GIT1: variants seen among roughly 807,000 people sequenced by gnomAD.
GIT1 encodes ARF GTPase-activating protein GIT1.
A neutral mutation model predicts 91.7 loss-of-function variants in GIT1; 14 were observed. That is an observed-to-expected ratio of 0.15 (90% CI 0.10 to 0.24). The LOEUF is 0.24. Among genes scored for constraint, GIT1 ranks in the 10% least tolerant of loss-of-function variants. The pLI, the probability that GIT1 is intolerant of heterozygous loss-of-function variation, is 1.00. For synonymous variants in GIT1, 414 were observed against 418.2 expected, an observed-to-expected ratio of 0.99 and a Z score of 0.12; for missense variants, 717 against 1,024.9, an observed-to-expected ratio of 0.70 and a Z score of 4.10.
At chr17:29,587,897 G>A (rs994259465) in intron 1 of GIT1, among the ~76,000 whole-genome samples, 3 of 152,100 alleles carry the variant, frequency 2.0e-5, no homozygotes, top group African/African-American at 4.8e-5. Context: ...ATAAGGCAAG[G>A]TGCATCCTCA....
At position 29,581,351 on chromosome 17, in the gene GIT1, G is replaced by T; in HGVS notation, c.748C>A (p.Gln250Lys). Residue 250 changes from glutamine to lysine, a missense_variant, in exon 7 of 20, where the codon CAG becomes AAG. By Grantham distance (53) the Gln-to-Lys change is moderately conservative (BLOSUM62 1). Coordinates refer to ENST00000225394, the MANE Select transcript of GIT1 (RefSeq NM_014030.4). The surrounding 1 kb of genome is among the most constrained non-coding windows in gnomAD (Gnocchi z 4.8). The stretch of plus-strand genomic sequence containing the variant: ...GTGGGCACTCACCTGTCAGCCATCT[G>T]TGGGATGATGTAATGCCCATTCTTG... ...DHKNGHYIIP[Q>K]MADSLDLSEL... The T allele has an allele frequency of 6.2e-7, 1 of 1,612,530 alleles. No individual in the cohort carries two copies. The highest frequency in any genetic ancestry group is 8.5e-7 in the Non-Finnish European group (1 of 1,178,826).
Position 29,581,832 on chromosome 17 carries a change from C to T in GIT1, c.628G>A (p.Ala210Thr). The T allele has an allele frequency of 6.2e-7, 1 of 1,612,730 alleles. No homozygotes were observed. The highest frequency in any genetic ancestry group is 8.5e-7 in the Non-Finnish European group (1 of 1,179,888). Reference sequence around the variant, plus strand: ...CTTTCCGCCAGCTCATGGTGCCCCGCCTGCCTGTGAGGAGGGGGTATGGCT... The same window carrying T: ...CTTTCCGCCAGCTCATGGTGCCCCGTCTGCCTGTGAGGAGGGGGTATGGCT... ...GRTPIDYARQ[A>T]GHHELAERLV... The change falls in exon 6 of 20, where the codon GCG (alanine) becomes ACG (threonine). Residue 210 changes from alanine (A) to threonine (T), a missense_variant. Physicochemically the swap from Ala to Thr is moderately conservative, Grantham distance 58 (BLOSUM62 0). This residue lies in a region of GIT1 where 271 missense variants were observed against 451.6 expected (regional missense o/e 0.60). Coordinates refer to ENST00000225394, the MANE Select transcript of GIT1 (RefSeq NM_014030.4). The surrounding 1 kb of genome is among the most constrained non-coding windows in gnomAD (Gnocchi z 4.8).
chr17:29,585,551 T>G (rs2033566541), intron 1 of GIT1, among the ~76,000 whole-genome samples: 1 of 152,110 alleles, frequency 6.6e-6, no homozygotes, highest in African/African-American at 2.4e-5. Context: ...GCCTGGCACT[T>G]TCCCCCAGCC....
rs955514571 is a variant in GIT1, at chr17:29,576,733, G to C, written c.1228-59C>G. 4.9e-5 allele frequency: 79 copies of C among 1,604,790 alleles called. No individual in the cohort carries two copies. The African/African-American group carries it at 9.2e-4, about 19-fold the overall frequency. On this transcript the variant is annotated intron_variant, in intron 12 of 19. Coordinates refer to ENST00000225394, the MANE Select transcript of GIT1 (RefSeq NM_014030.4). ...GGGGCAGGGAGGCCAACACCCGCAGGGGGCAGTTATTGAGGCTAGGAGCAG... is the reference window on the plus strand; with the variant it reads ...GGGGCAGGGAGGCCAACACCCGCAGCGGGCAGTTATTGAGGCTAGGAGCAG...
intron 1 of GIT1, among the ~76,000 whole-genome samples, chr17:29,586,711 A>G (rs965376920): frequency 2.0e-5 from 3 of 152,226 alleles, no homozygotes; most frequent in Admixed American, 1.3e-4. Context: ...AGGGTTGCCA[A>G]AGTGGAAAAG....
chr17:29,575,102 C>G lies in GIT1; in HGVS notation c.2050G>C (p.Glu684Gln), dbSNP rs1450513540. 1.3e-6 allele frequency: 2 copies of G among 1,599,828 alleles called. No individual in the cohort carries two copies. The highest frequency in any genetic ancestry group is 2.2e-5 in the South Asian group (2 of 90,392). ...ACCTTTGGGAAGAGGGAGGCCATCT[C>G]GGTCACAGCCAAATGGATCTTCTCT... Reference protein sequence around the residue: ...CSEKIHLAVTEMASLFPKRPA... With the variant: ...CSEKIHLAVTQMASLFPKRPA... Residue 684 changes from glutamate (E) to glutamine (Q), a missense_variant, in exon 19 of 20, where the codon GAG (glutamate) becomes CAG (glutamine). Physicochemically the swap from Glu to Gln is conservative, Grantham distance 29 (BLOSUM62 2). This residue lies in a region of GIT1 where 134 missense variants were observed against 223.8 expected (regional missense o/e 0.60). Transcript: ENST00000225394. The surrounding 1 kb of genome is among the most constrained non-coding windows in gnomAD (Gnocchi z 5.5).
intron 7 of GIT1, among the ~76,000 whole-genome samples, chr17:29,580,278 G>A (rs181609265): frequency 1.3e-5 from 2 of 152,246 alleles, no homozygotes; most frequent in Non-Finnish European, 2.9e-5. Context: ...CCATACACAT[G>A]CACGCATGCA....
At position 29,577,205 on chromosome 17, in the gene GIT1, T is replaced by G; in HGVS notation, c.1024A>C (p.Thr342Pro). 6.2e-7 allele frequency: 1 copy of G among 1,613,922 alleles called. No individual in the cohort carries two copies. Among genetic ancestry groups the G allele is most frequent in the East Asian group, 2.2e-5 (1 of 44,876 alleles). The part of the protein sequence containing the change: ...LARFNAREFA[T>P]LIIDILSEAK... ...TCACTGAGAATGTCGATGATCAAGG[T>G]GGCAAACTCTCGGGCATTAAAGCGG... Residue 342 changes from threonine to proline, a missense_variant, in exon 11 of 20, where the codon ACC (threonine) becomes CCC (proline). Around this residue, in one of 3 missense-constraint regions of GIT1, gnomAD observed 312 missense variants for 349.5 expected, o/e 0.89. Coordinates refer to ENST00000225394, the MANE Select transcript of GIT1 (RefSeq NM_014030.4).
rs538972029 is a variant in GIT1, at chr17:29,581,731, G to A, written c.718+11C>T. Reference sequence around the variant, plus strand: ...CCTGTCACAGCCAGGCGCCCCCCAAGCTCTGCTCACCCGGCTTGCGTCCAC... The same window carrying A: ...CCTGTCACAGCCAGGCGCCCCCCAAACTCTGCTCACCCGGCTTGCGTCCAC... On this transcript the variant is annotated intron_variant, in intron 6 of 19. Coordinates refer to ENST00000225394, the MANE Select transcript of GIT1 (RefSeq NM_014030.4). The surrounding 1 kb of genome is among the most constrained non-coding windows in gnomAD (Gnocchi z 4.8). The A allele has an allele frequency of 1.2e-6, 2 of 1,604,776 alleles. No individual in the cohort carries two copies. The highest frequency in any genetic ancestry group is 3.3e-5 in the Admixed American group (2 of 60,018).
At chr17:29,578,518 G>C in intron 8 of GIT1, 147 bp from the exon 9 acceptor site, 1 of 873,232 alleles carries the variant, frequency 1.1e-6, no homozygotes, top group Non-Finnish European at 1.9e-6. Flanking sequence ...AAAGTGGAAA[G>C]GGATCATGTT....
Position 29,576,938 on chromosome 17 carries a change from G to T in GIT1, c.1152C>A (p.Asp384Glu). The T allele has an allele frequency of 6.3e-7, 1 of 1,594,680 alleles. No homozygotes were observed. The highest frequency in any genetic ancestry group is 8.5e-7 in the Non-Finnish European group (1 of 1,174,216). Residue 384 changes from aspartate (D) to glutamate (E), a missense_variant, in exon 12 of 20, where the codon GAC becomes GAA. Physicochemically the swap from Asp to Glu is conservative, Grantham distance 45. This residue lies in a region of GIT1 where 312 missense variants were observed against 349.5 expected (regional missense o/e 0.89). Transcript: ENST00000225394. Reference protein sequence around the residue: ...QSDLDDQHDYDSVASDEDTDQ... With the variant: ...QSDLDDQHDYESVASDEDTDQ... ...CTGTGTCCTCGTCAGAGGCCACGCT[G>T]TCGTAGTCGTGTTGGTCGTCGAGGT... is the stretch of plus-strand genomic sequence containing the variant.
Position 29,581,190 on chromosome 17 carries a change from T to G in GIT1, c.761+148A>C. On this transcript the variant is annotated intron_variant, in intron 7 of 19. Coordinates refer to ENST00000225394, the MANE Select transcript of GIT1 (RefSeq NM_014030.4). This position sits in a 1 kb window ranked among gnomAD's most constrained non-coding sequence, Gnocchi z 4.8. ...TTTTACCTGCCTTGGGGCCCAGCAT[T>G]AGGGACTGAGGACTAAGCTGTGCCT... The G allele has an allele frequency of 1.5e-6, 1 of 679,828 alleles. No individual in the cohort carries two copies. Among genetic ancestry groups the G allele is most frequent in the South Asian group, 1.6e-5 (1 of 63,724 alleles). The allele number at this position is 679,828 out of a possible 1,614,324, so 42.1% of individuals were successfully genotyped here.
At position 29,576,319 on chromosome 17, in the gene GIT1, G is replaced by C; in HGVS notation, c.1512C>G (p.Arg504=). The C allele has an allele frequency of 4.3e-6, 7 of 1,613,100 alleles. No homozygotes were observed. In the East Asian group the frequency reaches 1.6e-4, roughly 36 times the overall value. ...APGGSTHRRD[R]QAFSMYEPGS... is the part of the protein sequence containing the mutation. ...CAGGTTCATACATGGAAAAGGCCTG[G>C]CGATCCCTGCGGTGTGTGCTCCCGC... The change falls in exon 14 of 20, where the codon CGC becomes CGG. Residue 504 remains arginine, a synonymous_variant. Transcript: ENST00000225394.
intron 12 of GIT1, 33 bp downstream of exon 12, chr17:29,576,830 A>G (rs2033222895): frequency 6.3e-7 from 1 of 1,578,552 alleles, no homozygotes; most frequent in Admixed American, 1.9e-5. Context: ...GGGTCAGGGC[A>G]CAGGGGAGTG....
chr17:29,585,488 C>A (rs1277652851), intron 1 of GIT1, among the ~76,000 whole-genome samples: 3 of 152,164 alleles, frequency 2.0e-5, no homozygotes, highest in Non-Finnish European at 2.9e-5. Flanking sequence ...GGTGAGTGAC[C>A]CTGGCTATGG....
chr17:29,587,763 A>G (rs2033636548), intron 1 of GIT1, among the ~76,000 whole-genome samples: 1 of 152,142 alleles, frequency 6.6e-6, no homozygotes, highest in African/African-American at 2.4e-5. Flanking sequence ...GGGATTACAG[A>G]GTAAGCTGGG....
Position 29,575,951 on chromosome 17 carries a change from C to A in GIT1, c.1666-53G>T. The stretch of plus-strand genomic sequence containing the variant: ...GTCAGTGTGCCCCACTGCCCCCCTG[C>A]TCACCAGCAGTGCAGCAGGGACCAG... On this transcript the variant is annotated intron_variant, in intron 15 of 19. Transcript: ENST00000225394. The surrounding 1 kb of genome is among the most constrained non-coding windows in gnomAD (Gnocchi z 5.5). The A allele has an allele frequency of 1.9e-6, 3 of 1,551,234 alleles. No individual in the cohort carries two copies. In the East Asian group the frequency reaches 6.8e-5, roughly 35 times the overall value.
In GIT1 at chr17:29,576,606, G is replaced by A. The variant is rs1365433407; in HGVS notation, c.1296C>T (p.Ala432=). ...GCACCTTTGCCTCCGATGTAGCCAG[G>A]GCCTTCTTCAGCTCCAGGTACTCCT... ...TLQEYLELKK[A]LATSEAKVQQ... is the part of the protein sequence containing the mutation. Residue 432 remains alanine, a synonymous_variant, in exon 13 of 20, where the codon GCC becomes GCT. Transcript: ENST00000225394. The A allele has an allele frequency of 6.2e-7, 1 of 1,613,912 alleles. No homozygotes were observed. The highest frequency in any genetic ancestry group is 8.5e-7 in the Non-Finnish European group (1 of 1,179,994).
intron 1 of GIT1, 160 bp from the exon 2 acceptor site, chr17:29,583,776 T>C (rs1040269782): frequency 2.7e-6 from 2 of 754,050 alleles, no homozygotes; most frequent in East Asian, 2.7e-5. Flanking sequence ...AGGTTACCAG[T>C]GAGGGATCTC....
Sources: allele counts gnomAD v4.1 joint callset (sites outside exome capture counted in the v4.1 genomes callset), GRCh38; gene constraint gnomAD v4.1.1; regional missense constraint gnomAD v4.1.1; non-coding constraint Gnocchi (gnomAD v3.1); transcripts MANE v1.5; gene names NCBI Gene and HGNC (gene_info 2026-07-23, HGNC 2026-07-21).